The following RASGRF2 variants were observed in gnomAD, a reference collection of about 807,000 sequenced individuals.
RASGRF2 encodes ras-specific guanine nucleotide-releasing factor 2.
RASGRF2 carries 76 observed loss-of-function variants against 151.0 expected under a neutral mutation model. That is an observed-to-expected ratio of 0.50 (90% CI 0.42 to 0.61). The LOEUF (loss-of-function observed/expected upper bound fraction) is 0.61, where lower values mean the gene tolerates loss of function less well. RASGRF2 is among the 20% of genes least tolerant of loss of function. The pLI is 0.00. For synonymous variants in RASGRF2, 504 were observed against 566.5 expected (o/e 0.89, Z 1.57); for missense variants, 1,148 against 1,564.6 (o/e 0.73, Z 4.49).
chr5:80,974,632 T>C (rs958802962), intron 1 of RASGRF2, among the ~76,000 whole-genome samples: 1 of 151,588 alleles, frequency 6.6e-6, no homozygotes, highest in Non-Finnish European at 1.5e-5. Flanking sequence ...TATTCTTCAG[T>C]ATGCCATTTC....
intron 1 of RASGRF2, among the ~76,000 whole-genome samples, chr5:81,012,107 G>C (rs975744246): frequency 5.3e-5 from 8 of 152,100 alleles, no homozygotes; most frequent in Admixed American, 4.6e-4. Flanking sequence ...TCAAACATCA[G>C]GAAAACTGCA....
intron 1 of RASGRF2, among the ~76,000 whole-genome samples, chr5:80,993,148 G>A (rs6864352): frequency 6.6e-6 from 1 of 152,040 alleles, no homozygotes; most frequent in Non-Finnish European, 1.5e-5. Context: ...TTTAGTGAAG[G>A]CTTTTCTATA....
intron 26 of RASGRF2, among the ~76,000 whole-genome samples, chr5:81,222,075 A>G (rs1755868254): frequency 6.6e-6 from 1 of 152,154 alleles, no homozygotes; most frequent in African/African-American, 2.4e-5. Flanking sequence ...CAAAAGCTCT[A>G]GTTCCTTTTT....
chr5:81,184,992 C>T (rs1328128912), intron 18 of RASGRF2, among the ~76,000 whole-genome samples: 1 of 152,152 alleles, frequency 6.6e-6, no homozygotes, highest in Non-Finnish European at 1.5e-5. Flanking sequence ...AGGCAGAGGA[C>T]CAAAGGCACA....
At chr5:81,188,643 C>A (rs972793851) in intron 18 of RASGRF2, among the ~76,000 whole-genome samples, 2 of 152,322 alleles carry the variant, frequency 1.3e-5, no homozygotes, top group African/African-American at 4.8e-5. Flanking sequence ...TTATATCAGA[C>A]ACTGTTTCAA....
rs145709832 is a variant in RASGRF2, at chr5:81,153,712, A to G, written c.2687-26463A>G. Among the ~76,000 whole-genome samples the G allele has an allele frequency of 2.2e-4, 33 of 152,362 alleles. 1 individual carries two copies. The East Asian group carries it at 6.4e-3, about 29-fold the overall frequency. On this transcript the variant is annotated intron_variant, in intron 17 of 26. Coordinates refer to ENST00000265080, the MANE Select transcript of RASGRF2 (RefSeq NM_006909.3). ...AAAAATGGCGGATATAAATAGAACC[A>G]TATCAAATTCCATTAAGCATTAATT...
intron 18 of RASGRF2, among the ~76,000 whole-genome samples, chr5:81,188,481 T>A (rs1755080986): frequency 6.6e-6 from 1 of 152,228 alleles, no homozygotes; most frequent in African/African-American, 2.4e-5. Context: ...AGCCTGAAGT[T>A]TGGTATCGGT....
At chr5:81,146,407 G>C (rs1423436832) in intron 17 of RASGRF2, among the ~76,000 whole-genome samples, 1 of 145,364 alleles carries the variant, frequency 6.9e-6, no homozygotes, top group Non-Finnish European at 1.6e-5. Context: ...AGTTGCCCAG[G>C]GAGTTAGACT....
chr5:81,101,292 C>T (rs1752690969), intron 12 of RASGRF2, among the ~76,000 whole-genome samples: 1 of 152,180 alleles, frequency 6.6e-6, no homozygotes, highest in Admixed American at 6.5e-5. Flanking sequence ...ATATTTACCA[C>T]ACCTTCCTCT....
At position 81,226,601 on chromosome 5, in the gene RASGRF2, G is replaced by A. The variant is rs550827123; in HGVS notation, c.*831G>A. 6.6e-6 allele frequency: 1 copy of A among 152,330 alleles called. No individual in the cohort carries two copies. The highest frequency in any genetic ancestry group is 1.9e-4 in the East Asian group (1 of 5,180). 9.4% of individuals were successfully genotyped at this position (152,330 alleles called of 1,614,324 possible). A position where few individuals can be genotyped will look rare whatever the true frequency, so the allele number is the denominator to read the frequency against. Reference sequence around the variant, plus strand: ...AAACTGTGGAACAGAAGGCCACCAAGTGCTGTGGGGAATCATGGGTTTCAG... The same window carrying A: ...AAACTGTGGAACAGAAGGCCACCAAATGCTGTGGGGAATCATGGGTTTCAG... On this transcript the variant is annotated 3_prime_UTR_variant, in exon 27 of 27. Transcript: ENST00000265080.
rs117330824 is a variant in RASGRF2 at position 81,153,757 on chromosome 5, A to G, written c.2687-26418A>G. On this transcript the variant is annotated intron_variant, in intron 17 of 26. Coordinates refer to ENST00000265080, the MANE Select transcript of RASGRF2 (RefSeq NM_006909.3). ...TTAATTCATGGAAAATGCAAATCAA[A>G]AGGTAAATATTGTCAAACCATATAA... Among the ~76,000 whole-genome samples the G allele has an allele frequency of 2.6e-4, 39 of 152,294 alleles. 1 individual carries two copies. The East Asian group carries it at 7.3e-3, about 29-fold the overall frequency.
At chr5:80,998,868 G>A (rs1054703244) in intron 1 of RASGRF2, among the ~76,000 whole-genome samples, 1 of 152,112 alleles carries the variant, frequency 6.6e-6, no homozygotes, top group African/African-American at 2.4e-5. Context: ...GATTGCCTCC[G>A]TTTGGCTGTG....
chr5:81,217,903 T>C (rs555331561), intron 25 of RASGRF2, among the ~76,000 whole-genome samples: 11 of 152,120 alleles, frequency 7.2e-5, no homozygotes, highest in South Asian at 4.1e-4. Flanking sequence ...CCACCACGCC[T>C]GGCTAATTTT....
intron 9 of RASGRF2, among the ~76,000 whole-genome samples, chr5:81,089,279 G>T (rs1424621912): frequency 6.6e-6 from 1 of 152,056 alleles, no homozygotes; most frequent in Non-Finnish European, 1.5e-5. Flanking sequence ...ATCTCTAAAG[G>T]TGTACTAATA....
rs1412043610 is a variant in RASGRF2, at chr5:81,073,414, C to T, written c.849C>T (p.Pro283=). 4 of 1,614,046 alleles carry T rather than the reference C, an allele frequency of 2.5e-6. No individual in the cohort carries two copies. The highest frequency in any genetic ancestry group is 1.3e-5 in the African/African-American group (1 of 74,910). ...LRMAASSKKP[P]ISHDDVSSIF... ...TGGCCGCCAGCTCCAAGAAGCCCCC[C>T]ATCAGCCACGACGACGTCAGCAGTA... The change falls in exon 5 of 27, where the codon CCC becomes CCT. Residue 283 remains proline, a synonymous_variant. Transcript: ENST00000265080.
chr5:81,024,977 A>C (rs1206191906), intron 1 of RASGRF2, among the ~76,000 whole-genome samples: 1 of 152,120 alleles, frequency 6.6e-6, no homozygotes, highest in African/African-American at 2.4e-5. Context: ...GACTTCTCCA[A>C]GTTGGGACCC....
At chr5:81,180,792 G>A (rs960164386) in intron 18 of RASGRF2, among the ~76,000 whole-genome samples, 7 of 151,808 alleles carry the variant, frequency 4.6e-5, no homozygotes, top group Admixed American at 3.9e-4. Flanking sequence ...TCTCATGCCC[G>A]TTGATGTTTT....
At chr5:81,148,667 A>C (rs956711732) in intron 17 of RASGRF2, among the ~76,000 whole-genome samples, 2 of 116,548 alleles carry the variant, frequency 1.7e-5, no homozygotes, top group African/African-American at 6.2e-5. Context: ...CACTCTGGGG[A>C]CTGTTGTGGG....
chr5:81,028,459 A>G (rs1255913183), intron 1 of RASGRF2, among the ~76,000 whole-genome samples: 2 of 151,912 alleles, frequency 1.3e-5, no homozygotes, highest in East Asian at 2.0e-4. Flanking sequence ...GAGTGGGAAG[A>G]TTTCCCTCCA....
Sources: gnomAD v4.1 joint callset for allele counts (sites outside exome capture counted in the v4.1 genomes callset) on GRCh38, gnomAD v4.1.1 for gene constraint, MANE v1.5 for transcripts, NCBI Gene and HGNC (gene_info 2026-07-23, HGNC 2026-07-21) for gene names.